The following CSMD1 variants were observed in gnomAD, a reference collection of about 807,000 sequenced individuals.
CSMD1 encodes the protein CUB and Sushi multiple domains 1, also known as CUB and sushi domain-containing protein 1.
A neutral mutation model predicts 417.5 loss-of-function variants in CSMD1; 213 were observed. That is an observed-to-expected ratio of 0.51 (90% confidence interval 0.46 to 0.57). The LOEUF (loss-of-function observed/expected upper bound fraction) is 0.57, where lower values mean the gene tolerates loss of function less well. Among genes scored for constraint, CSMD1 ranks in the 20% least tolerant of loss-of-function variants. The pLI is 0.00. For synonymous variants in CSMD1, 2,862 were observed against 1,736.8 expected, an observed-to-expected ratio of 1.65 and a Z score of -16.11; for missense variants, 6,923 against 4,529.7, an observed-to-expected ratio of 1.53 and a Z score of -15.17.
chr8:3,497,329 T>G (rs1005709641), intron 10 of CSMD1, among the ~76,000 whole-genome samples: 1 of 152,244 alleles, frequency 6.6e-6, no homozygotes, highest in African/African-American at 2.4e-5. Flanking sequence ...TCTCTGGTGT[T>G]GGGTGCATAT....
In CSMD1 at chr8:4,236,043, T is replaced by C. The variant is rs28576907; in HGVS notation, c.415+183910A>G. On this transcript the variant is annotated intron_variant, in intron 3 of 69. Coordinates refer to ENST00000635120, the MANE Select transcript of CSMD1 (RefSeq NM_033225.6). ...TGGATATTGTTTTTTTTGTTTGTTT[T>C]TTTTTTTTTTTTTTTTTTTTTTTTT... 5.3e-3 allele frequency among the ~76,000 whole-genome samples: 183 copies of C among 34,742 alleles called. 3 individuals are homozygous for C. Among genetic ancestry groups the C allele is most frequent in the African/African-American group, 0.012 (166 of 14,226 alleles). 22.8% of individuals were successfully genotyped at this position (34,742 alleles called of 152,430 possible).
intron 29 of CSMD1, among the ~76,000 whole-genome samples, chr8:3,216,304 A>C (rs1351286721): frequency 1.3e-5 from 2 of 152,122 alleles, no homozygotes; most frequent in Non-Finnish European, 2.9e-5. Flanking sequence ...AGTACTATGA[A>C]AGTTGCTCAG....
rs10566841 is a variant in CSMD1, at chr8:4,682,955, CATATATATATATATAT to C, written c.86-45413_86-45398del. Among the ~76,000 whole-genome samples, 115 of 118,464 alleles carry C rather than the reference CATATATATATATATAT, an allele frequency of 9.7e-4. 1 individual carries two copies. The highest frequency in any genetic ancestry group is 2.8e-3 in the African/African-American group (91 of 32,008). 77.7% of individuals were successfully genotyped at this position (118,464 alleles called of 152,430 possible). A position where few individuals can be genotyped will look rare whatever the true frequency, so the allele number is the denominator to read the frequency against. Reference sequence around the variant, plus strand: ...TTTCTTTAGGAGCAATAAGTATCTTCATATATATATATATATATATATATATATATATATATATAGT... The same window carrying C: ...TTTCTTTAGGAGCAATAAGTATCTTCATATATATATATATATATATATAGT... On this transcript the variant is annotated intron_variant, in intron 1 of 69. Transcript: ENST00000635120.
At chr8:3,718,454 A>G (rs1292623524) in intron 6 of CSMD1, among the ~76,000 whole-genome samples, 5 of 152,340 alleles carry the variant, frequency 3.3e-5, no homozygotes, top group African/African-American at 9.6e-5. Context: ...GCCTGATGTT[A>G]TAAGTCATCT....
chr8:3,264,991 A>G (rs1238687162), intron 26 of CSMD1, among the ~76,000 whole-genome samples: 1 of 152,206 alleles, frequency 6.6e-6, no homozygotes, highest in African/African-American at 2.4e-5. Context: ...TCTGCACCCC[A>G]GCTGTATTTT....
chr8:3,703,335 G>T (rs367994402), intron 7 of CSMD1, among the ~76,000 whole-genome samples: 1 of 152,158 alleles, frequency 6.6e-6, no homozygotes, highest in Non-Finnish European at 1.5e-5. Flanking sequence ...ATGAACGTGG[G>T]TTCCCAAAGC....
At chr8:3,045,491 G>A (rs1395551520) in intron 50 of CSMD1, among the ~76,000 whole-genome samples, 1 of 152,154 alleles carries the variant, frequency 6.6e-6, no homozygotes, top group South Asian at 2.1e-4. Context: ...CCTGTGAACT[G>A]CAAGAGACCC....
chr8:4,713,626 A>T (rs1246007526), intron 1 of CSMD1, among the ~76,000 whole-genome samples: 3 of 152,024 alleles, frequency 2.0e-5, no homozygotes, highest in Non-Finnish European at 4.4e-5. Context: ...AAGTTCTCAC[A>T]TAACAATATA....
At chr8:4,043,778 C>A (rs1012149831) in intron 3 of CSMD1, among the ~76,000 whole-genome samples, 1 of 151,992 alleles carries the variant, frequency 6.6e-6, no homozygotes, top group African/African-American at 2.4e-5. Context: ...AATGCTGGAA[C>A]GCTTTATATA....
intron 3 of CSMD1, among the ~76,000 whole-genome samples, chr8:4,400,804 A>G (rs1009054231): frequency 6.8e-6 from 1 of 147,352 alleles, no homozygotes; most frequent in African/African-American, 2.5e-5. Context: ...TGATGAGCTC[A>G]TGCTTTTAAA....
intron 3 of CSMD1, among the ~76,000 whole-genome samples, chr8:4,060,514 A>G (rs1011282713): frequency 6.6e-6 from 1 of 152,180 alleles, no homozygotes; most frequent in African/African-American, 2.4e-5. Context: ...ATAGAAAAAC[A>G]AAGGGGATGT....
chr8:3,422,850 T>G (rs1390084839), intron 12 of CSMD1, among the ~76,000 whole-genome samples: 1 of 152,186 alleles, frequency 6.6e-6, no homozygotes, highest in South Asian at 2.1e-4. Flanking sequence ...AACTGCTCTC[T>G]GCTTCGAAAA....
intron 3 of CSMD1, among the ~76,000 whole-genome samples, chr8:4,234,909 C>A (rs552201329): frequency 6.6e-6 from 1 of 152,264 alleles, no homozygotes; most frequent in African/African-American, 2.4e-5. Context: ...AAATAGACCT[C>A]TGTGTTGTCT....
At chr8:4,041,176 C>A (rs1211080567) in intron 3 of CSMD1, among the ~76,000 whole-genome samples, 2 of 151,808 alleles carry the variant, frequency 1.3e-5, no homozygotes, top group African/African-American at 2.4e-5. Flanking sequence ...GCCACCACGC[C>A]CGGCTAATTT....
At chr8:4,952,832 C>T (rs552080244) in intron 1 of CSMD1, among the ~76,000 whole-genome samples, 1 of 152,090 alleles carries the variant, frequency 6.6e-6, no homozygotes, top group Non-Finnish European at 1.5e-5. Flanking sequence ...TTTTTAATAA[C>T]TCTGACTATA....
intron 2 of CSMD1, among the ~76,000 whole-genome samples, chr8:4,530,688 G>A (rs2130454378): frequency 6.6e-6 from 1 of 150,560 alleles, no homozygotes; most frequent in African/African-American, 2.4e-5. Flanking sequence ...TTCTTTTTTA[G>A]GGCTGCATAG....
At chr8:3,591,933 G>A (rs967174386) in intron 8 of CSMD1, among the ~76,000 whole-genome samples, 1 of 151,898 alleles carries the variant, frequency 6.6e-6, no homozygotes, top group African/African-American at 2.4e-5. Context: ...ATACATAGAT[G>A]GATAGATACA....
At chr8:3,234,527 T>C (rs1325871945) in intron 26 of CSMD1, among the ~76,000 whole-genome samples, 1 of 152,168 alleles carries the variant, frequency 6.6e-6, no homozygotes, top group Non-Finnish European at 1.5e-5. Context: ...GAGTAGGTTT[T>C]TCAATGGAAA....
rs996961799 is a variant in CSMD1, at chr8:4,165,528, C to G, written c.416-133429G>C. On this transcript the variant is annotated intron_variant, in intron 3 of 69. Coordinates refer to ENST00000635120, the MANE Select transcript of CSMD1 (RefSeq NM_033225.6). ...AAGTCATCCTCCCACCTCAGCCTGC[C>G]AAGTAGGTGGGACCTCCGGTGCACC... Among the ~76,000 whole-genome samples, 5 of 152,132 alleles carry G rather than the reference C, an allele frequency of 3.3e-5. No homozygotes were observed. In the South Asian group the frequency reaches 8.3e-4, roughly 25 times the overall value.
Sources: allele counts gnomAD v4.1 joint callset (sites outside exome capture counted in the v4.1 genomes callset), GRCh38; gene constraint gnomAD v4.1.1; transcripts MANE v1.5; gene names NCBI Gene and HGNC (gene_info 2026-07-23, HGNC 2026-07-21).